Variants in GRK5 observed in about 807,000 individuals in gnomAD.
The protein encoded by GRK5 is G protein-coupled receptor kinase 5.
Under a neutral mutation model 78.4 loss-of-function variants are expected in GRK5, and 40 were observed. That is an observed-to-expected ratio of 0.51 (90% CI 0.40 to 0.66). The LOEUF (loss-of-function observed/expected upper bound fraction) is 0.66. GRK5 is among the 30% of genes least tolerant of loss of function. The probability of loss-of-function intolerance (pLI) is 0.00; values close to 1 mark genes in which losing one functional copy is unlikely to be tolerated. For missense variants in GRK5, 598 were observed against 759.9 expected (o/e 0.79, Z 2.50); for synonymous variants, 289 against 296.8 (o/e 0.97, Z 0.27).
intron 3 of GRK5, among the ~76,000 whole-genome samples, chr10:119,391,731 G>A (rs1314669599): frequency 2.0e-5 from 3 of 152,316 alleles, no homozygotes; most frequent in African/African-American, 4.8e-5. Context: ...GGCGGCCCAC[G>A]TGGTCAGCAC....
intron 4 of GRK5, among the ~76,000 whole-genome samples, chr10:119,403,294 G>A (rs1958914093): frequency 6.6e-6 from 1 of 152,018 alleles, no homozygotes; most frequent in African/African-American, 2.4e-5. Flanking sequence ...AGCCTCCCGA[G>A]TAGCTGGGAC....
At chr10:119,296,205 C>T (rs141335082) in intron 1 of GRK5, among the ~76,000 whole-genome samples, 14 of 152,178 alleles carry the variant, frequency 9.2e-5, no homozygotes, top group South Asian at 4.1e-4. Context: ...AAAATGGCTG[C>T]GACAGTTCCA....
intron 2 of GRK5, among the ~76,000 whole-genome samples, chr10:119,332,457 T>C (rs1850798063): frequency 6.6e-6 from 1 of 152,202 alleles, no homozygotes; most frequent in Non-Finnish European, 1.5e-5. Flanking sequence ...TTTTCAGATA[T>C]CTGCAACAAC....
chr10:119,384,196 C>T (rs1463950474), intron 3 of GRK5, among the ~76,000 whole-genome samples: 2 of 152,196 alleles, frequency 1.3e-5, no homozygotes, highest in East Asian at 3.9e-4. Flanking sequence ...CCCACAGTCC[C>T]ATTTGCCTGG....
At chr10:119,282,015 C>T (rs902918761) in intron 1 of GRK5, among the ~76,000 whole-genome samples, 5 of 152,122 alleles carry the variant, frequency 3.3e-5, no homozygotes, top group African/African-American at 9.7e-5. Flanking sequence ...CTGTCCCTTG[C>T]CCTCCCCTCC....
intron 1 of GRK5, among the ~76,000 whole-genome samples, chr10:119,288,579 C>T (rs1208479787): frequency 6.6e-6 from 1 of 152,252 alleles, no homozygotes; most frequent in Non-Finnish European, 1.5e-5. Context: ...GACCACATCT[C>T]TGCTGTACCT....
chr10:119,454,042 G>A (rs1341082812), intron 15 of GRK5, among the ~76,000 whole-genome samples: 1 of 152,170 alleles, frequency 6.6e-6, no homozygotes, highest in Non-Finnish European at 1.5e-5. Flanking sequence ...CCGCCCTGGA[G>A]CCTGGGAGGC....
At chr10:119,355,317 A>T (rs896512530) in intron 2 of GRK5, among the ~76,000 whole-genome samples, 4 of 152,250 alleles carry the variant, frequency 2.6e-5, no homozygotes, top group Admixed American at 6.5e-5. Flanking sequence ...ATTGGCTAGT[A>T]TAAATAATAC....
rs1851662777 is a variant in GRK5, at chr10:119,378,598, G to A, written c.149-2217G>A. 6.6e-6 allele frequency among the ~76,000 whole-genome samples: 1 copy of A among 152,270 alleles called. No individual in the cohort carries two copies. The highest frequency in any genetic ancestry group is 2.4e-5 in the African/African-American group (1 of 41,476). Reference sequence around the variant, plus strand: ...GAGTGCTGAGGCCGTGTCCCCGTGTGGTGAATAAATGCCCGGGAGGGCGGG... The same window carrying A: ...GAGTGCTGAGGCCGTGTCCCCGTGTAGTGAATAAATGCCCGGGAGGGCGGG... On this transcript the variant is annotated intron_variant, in intron 2 of 15. Transcript: ENST00000392870. The surrounding 1 kb of genome is among the most constrained non-coding windows in gnomAD (Gnocchi z 4.5).
intron 1 of GRK5, among the ~76,000 whole-genome samples, chr10:119,249,226 G>A (rs922855598): frequency 2.6e-5 from 4 of 151,910 alleles, no homozygotes; most frequent in Non-Finnish European, 4.4e-5. Context: ...AGCCGAGATC[G>A]TGCCATTGTG....
At chr10:119,395,832 C>T (rs1390148838) in intron 3 of GRK5, among the ~76,000 whole-genome samples, 1 of 152,160 alleles carries the variant, frequency 6.6e-6, no homozygotes, top group Admixed American at 6.5e-5. Context: ...GTTCGAGTCC[C>T]AGCCCTGCCA....
At chr10:119,438,374 G>A (rs1057038571) in intron 9 of GRK5, among the ~76,000 whole-genome samples, 5 of 152,102 alleles carry the variant, frequency 3.3e-5, no homozygotes, top group African/African-American at 1.2e-4. Context: ...GCTCGGTCCT[G>A]GCAGACCCCG....
At chr10:119,396,597 G>C in intron 3 of GRK5, 98 bp from the exon 4 acceptor site, 2 of 972,918 alleles carry the variant, frequency 2.1e-6, no homozygotes, top group South Asian at 2.8e-5. Context: ...TTGGTCAGGT[G>C]GCCTCTAGGG....
rs1226965330 is a variant in GRK5 at position 119,247,298 on chromosome 10, A to C, written c.52+39329A>C. ...ACAAACAAAAAATGTGACTGTGAGA[A>C]GCATCCAGAAAAATACGATGACCTG... On this transcript the variant is annotated intron_variant, in intron 1 of 15. Transcript: ENST00000392870. Among the ~76,000 whole-genome samples, 3 of 152,372 alleles carry C rather than the reference A, an allele frequency of 2.0e-5. No homozygotes were observed. The South Asian group carries it at 6.2e-4, about 32-fold the overall frequency.
At chr10:119,254,579 T>G (rs1589704088) in intron 1 of GRK5, among the ~76,000 whole-genome samples, 1 of 150,400 alleles carries the variant, frequency 6.6e-6, no homozygotes, top group Non-Finnish European at 1.5e-5. Flanking sequence ...GGAGAAGGGG[T>G]GGGAGTTGAT....
At chr10:119,300,543 C>T (rs1324821953) in intron 1 of GRK5, among the ~76,000 whole-genome samples, 1 of 152,224 alleles carries the variant, frequency 6.6e-6, no homozygotes, top group Non-Finnish European at 1.5e-5. Flanking sequence ...GTTGCCCCCT[C>T]TTTCCCCCAG....
intron 2 of GRK5, among the ~76,000 whole-genome samples, chr10:119,360,084 T>C (rs1404124414): frequency 3.5e-5 from 2 of 57,168 alleles, no homozygotes; most frequent in Non-Finnish European, 6.9e-5. Flanking sequence ...GTTGAGGAGA[T>C]AGGGGGAGGC....
At chr10:119,453,017 C>T (rs918226580) in intron 14 of GRK5, 128 bp from the exon 15 acceptor site, 23 of 861,274 alleles carry the variant, frequency 2.7e-5, no homozygotes, top group Middle Eastern at 3.2e-4. Flanking sequence ...TCGCCCAGCC[C>T]CTGAGACCTG....
Position 119,255,548 on chromosome 10 carries a change from C to T in GRK5, c.52+47579C>T, listed in dbSNP as rs77293358. Among the ~76,000 whole-genome samples the T allele has an allele frequency of 1.3e-3, 204 of 152,312 alleles. 1 individual carries two copies. Among genetic ancestry groups the T allele is most frequent in the African/African-American group, 3.1e-3 (129 of 41,568 alleles). ...CCAGATGCTCACTTTGTACTAACAC[C>T]GCTGGCTCATTATCACAGAGTCATG... On this transcript the variant is annotated intron_variant, in intron 1 of 15. Coordinates refer to ENST00000392870, the MANE Select transcript of GRK5 (RefSeq NM_005308.3).
Sources: allele counts gnomAD v4.1 joint callset (sites outside exome capture counted in the v4.1 genomes callset), GRCh38; gene constraint gnomAD v4.1.1; non-coding constraint Gnocchi (gnomAD v3.1); transcripts MANE v1.5; gene names NCBI Gene and HGNC (gene_info 2026-07-23, HGNC 2026-07-21).